TMEM232: variants seen among roughly 807,000 people sequenced by gnomAD.
The protein encoded by TMEM232 is transmembrane protein 232.
TMEM232 carries 80 observed loss-of-function variants against 78.8 expected under a neutral mutation model. That is an observed-to-expected ratio of 1.01 (90% CI 0.85 to 1.22). The LOEUF (loss-of-function observed/expected upper bound fraction) is 1.22. Ranked by LOEUF, TMEM232 falls within the 50% of genes most tolerant of loss-of-function variation. The probability of loss-of-function intolerance (pLI) is 0.00; values close to 1 mark genes in which losing one functional copy is unlikely to be tolerated. For synonymous variants in TMEM232, 297 were observed against 254.3 expected, an observed-to-expected ratio of 1.17 and a Z score of -1.60; for missense variants, 881 against 742.2, an observed-to-expected ratio of 1.19 and a Z score of -2.17.
At chr5:110,466,888 A>T (rs926520730) in intron 12 of TMEM232, among the ~76,000 whole-genome samples, 1 of 138,762 alleles carries the variant, frequency 7.2e-6, no homozygotes, top group Non-Finnish European at 1.5e-5. Flanking sequence ...TGTTGCTTGA[A>T]CTATAGTATT....
chr5:110,605,149 T>C lies in TMEM232; in HGVS notation c.1236A>G (p.Leu412=). The change falls in exon 10 of 14, where the codon TTA becomes TTG. Residue 412 remains leucine (L), a synonymous_variant. Transcript: ENST00000455884. ...TTGAAGAGAAATATTCCAAAAGACT[T>C]AAAATACTTGTTTCCTTTAATTCTG... The part of the protein sequence containing the change: ...VPPELKETSI[L]SLLEYFSSKM... 1 of 1,548,736 alleles carries C rather than the reference T, an allele frequency of 6.5e-7. No individual in the cohort carries two copies. Among genetic ancestry groups the C allele is most frequent in the Non-Finnish European group, 8.7e-7 (1 of 1,145,506 alleles).
chr5:110,491,430 A>C (rs750332820), intron 12 of TMEM232, among the ~76,000 whole-genome samples: 13 of 152,056 alleles, frequency 8.5e-5, no homozygotes, highest in Non-Finnish European at 1.8e-4. Context: ...GTTAAACTCT[A>C]TGTAAAATGT....
intron 12 of TMEM232, among the ~76,000 whole-genome samples, chr5:110,425,770 T>A (rs546868610): frequency 6.6e-6 from 1 of 152,096 alleles, no homozygotes; most frequent in East Asian, 1.9e-4. Context: ...GAAGGCTTCA[T>A]GTTCAGAATT....
chr5:110,428,059 T>C (rs1038501759), intron 12 of TMEM232, among the ~76,000 whole-genome samples: 2 of 151,864 alleles, frequency 1.3e-5, no homozygotes, highest in Non-Finnish European at 2.9e-5. Flanking sequence ...AGTCACTCCA[T>C]TGTGCTGTCA....
At chr5:110,413,849 T>A (rs1222812050) in intron 2 of TMEM232, among the ~76,000 whole-genome samples, 1 of 152,216 alleles carries the variant, frequency 6.6e-6, no homozygotes, top group Admixed American at 6.5e-5. Context: ...GAATTATTAT[T>A]CTAAAGGGAA....
At position 110,420,498 on chromosome 5, in the gene TMEM232, A is replaced by C; in HGVS notation, c.*82T>G. On this transcript the variant is annotated 3_prime_UTR_variant, in exon 14 of 14. Transcript: ENST00000455884. ...TTAATGACAAGAAAGTTCTCTTACT[A>C]TGTAGCTATCTTGGTATTTTTCATC... 5 of 834,730 alleles carry C rather than the reference A, an allele frequency of 6.0e-6. No homozygotes were observed. Among genetic ancestry groups the C allele is most frequent in the South Asian group, 2.4e-5 (1 of 40,906 alleles). 51.7% of individuals were successfully genotyped at this position (834,730 alleles called of 1,614,324 possible). A position where few individuals can be genotyped will look rare whatever the true frequency, so the allele number is the denominator to read the frequency against.
chr5:110,605,230 G>A lies in TMEM232; in HGVS notation c.1155C>T (p.Phe385=). 6.4e-7 allele frequency: 1 copy of A among 1,551,138 alleles called. No individual in the cohort carries two copies. The highest frequency in any genetic ancestry group is 8.7e-7 in the Non-Finnish European group (1 of 1,146,704). ...SDLRKTALIG[F]CHCKSSQKNI... is the part of the protein sequence containing the mutation. ...TTTTTTGTGAACTTTTACAGTGACA[G>A]AAACCAATTAAAGCAGTTTTTCGCA... is the stretch of plus-strand genomic sequence containing the variant. The change falls in exon 10 of 14, where the codon TTC becomes TTT. Residue 385 remains phenylalanine, a synonymous_variant. Coordinates refer to ENST00000455884, the MANE Select transcript of TMEM232 (RefSeq NM_001039763.4).
intron 2 of TMEM232, among the ~76,000 whole-genome samples, chr5:110,413,942 G>T (rs1284292576): frequency 6.6e-6 from 1 of 152,114 alleles, no homozygotes; most frequent in Non-Finnish European, 1.5e-5. Context: ...ATAATCATTG[G>T]CCAGAAATAA....
chr5:110,551,290 C>T (rs566654957), intron 11 of TMEM232, among the ~76,000 whole-genome samples: 2 of 152,308 alleles, frequency 1.3e-5, no homozygotes, highest in East Asian at 3.9e-4. Flanking sequence ...GTGGCCCAAT[C>T]TTGGCTCACT....
chr5:110,481,276 GATT>G (rs1426972717), intron 12 of TMEM232, among the ~76,000 whole-genome samples: 1 of 152,112 alleles, frequency 6.6e-6, no homozygotes, highest in East Asian at 1.9e-4. Flanking sequence ...TGACTTTTCA[GATT>G]ATTATTTCAT....
At chr5:110,695,998 A>C (rs1794733297) in intron 1 of TMEM232, among the ~76,000 whole-genome samples, 2 of 152,100 alleles carry the variant, frequency 1.3e-5, no homozygotes, top group African/African-American at 4.8e-5. Context: ...GAGACAAAAC[A>C]AAAAAAGAGA....
intron 2 of TMEM232, among the ~76,000 whole-genome samples, chr5:110,665,575 C>T (rs1250630869): frequency 6.6e-6 from 1 of 152,088 alleles, no homozygotes; most frequent in African/African-American, 2.4e-5. Context: ...AACAACCAGA[C>T]TGCATAAGGA....
chr5:110,571,598 T>C (rs916073220), intron 10 of TMEM232, among the ~76,000 whole-genome samples: 1 of 151,974 alleles, frequency 6.6e-6, no homozygotes, highest in African/African-American at 2.4e-5. Flanking sequence ...GGCAGGAGGA[T>C]TGCTTGAGGC....
intron 2 of TMEM232, among the ~76,000 whole-genome samples, chr5:110,645,815 T>C (rs1310927729): frequency 2.6e-5 from 4 of 151,264 alleles, no homozygotes; most frequent in South Asian, 2.1e-4. Flanking sequence ...TAGACATTCC[T>C]AGATAATCCA....
chr5:110,706,312 T>C (rs1795925589), intron 1 of TMEM232, among the ~76,000 whole-genome samples: 1 of 152,200 alleles, frequency 6.6e-6, no homozygotes, highest in African/African-American at 2.4e-5. Context: ...TGATGTATGT[T>C]CCAACTATCA....
intron 1 of TMEM232, among the ~76,000 whole-genome samples, chr5:110,671,899 A>G (rs988260810): frequency 1.4e-4 from 21 of 152,342 alleles, no homozygotes; most frequent in Admixed American, 4.6e-4. Context: ...TATAATTTTA[A>G]AAAGCCCACT....
At chr5:110,708,485 T>C (rs1035062115) in intron 1 of TMEM232, among the ~76,000 whole-genome samples, 1 of 152,102 alleles carries the variant, frequency 6.6e-6, no homozygotes, top group Non-Finnish European at 1.5e-5. Context: ...TACTCTTAAG[T>C]AGAAAAACTA....
intron 10 of TMEM232, among the ~76,000 whole-genome samples, chr5:110,580,645 A>T (rs768654968): frequency 6.6e-6 from 1 of 151,762 alleles, no homozygotes; most frequent in Non-Finnish European, 1.5e-5. Flanking sequence ...ACCAGACAGA[A>T]AATTAATGAA....
At chr5:110,691,959 C>T (rs545045337) in intron 1 of TMEM232, among the ~76,000 whole-genome samples, 40 of 152,130 alleles carry the variant, frequency 2.6e-4, no homozygotes, top group Middle Eastern at 3.2e-3. Flanking sequence ...CTCACTCTGT[C>T]GCCCAGGCTG....
Sources: allele counts gnomAD v4.1 joint callset (sites outside exome capture counted in the v4.1 genomes callset), GRCh38; gene constraint gnomAD v4.1.1; transcripts MANE v1.5; gene names NCBI Gene and HGNC (gene_info 2026-07-23, HGNC 2026-07-21).